The following PLXDC2 variants were observed in gnomAD, a reference collection of about 807,000 sequenced individuals.
The protein encoded by PLXDC2 is plexin domain-containing protein 2.
PLXDC2 carries 40 observed loss-of-function variants against 68.9 expected under a neutral mutation model. The observed-to-expected ratio is 0.58, with a 90% CI of 0.45 to 0.76. The LOEUF (loss-of-function observed/expected upper bound fraction) is 0.76. Ranked by LOEUF, PLXDC2 falls within the 30% of genes least tolerant of loss-of-function variation. The pLI is 0.00. For synonymous variants in PLXDC2, 243 were observed against 234.2 expected (o/e 1.04, Z -0.34); for missense variants, 644 against 661.9 (o/e 0.97, Z 0.30).
chr10:20,199,472 G>A (rs537688878), intron 9 of PLXDC2, among the ~76,000 whole-genome samples: 1 of 151,874 alleles, frequency 6.6e-6, no homozygotes, highest in Non-Finnish European at 1.5e-5. Context: ...ATTATTTGTA[G>A]ATAAAAGAAT....
intron 13 of PLXDC2, among the ~76,000 whole-genome samples, chr10:20,275,257 C>T (rs1222986658): frequency 6.6e-6 from 1 of 152,036 alleles, no homozygotes; most frequent in East Asian, 1.9e-4. Flanking sequence ...AGAAAATCAT[C>T]ACCCTTGCTC....
intron 3 of PLXDC2, among the ~76,000 whole-genome samples, chr10:20,055,057 A>G (rs1046761233): frequency 2.0e-5 from 3 of 152,132 alleles, no homozygotes; most frequent in African/African-American, 7.2e-5. Flanking sequence ...AATATGAAAC[A>G]CCAGCAAAAT....
At chr10:19,869,835 C>T (rs1006191635) in intron 1 of PLXDC2, among the ~76,000 whole-genome samples, 6 of 151,948 alleles carry the variant, frequency 3.9e-5, no homozygotes, top group African/African-American at 7.3e-5. Context: ...ACTGCCAGCT[C>T]GCCTTACGTT....
At chr10:20,108,634 G>T (rs746888649) in intron 4 of PLXDC2, among the ~76,000 whole-genome samples, 1 of 152,026 alleles carries the variant, frequency 6.6e-6, no homozygotes, top group African/African-American at 2.4e-5. Flanking sequence ...CTTGAAAAGG[G>T]GTGGATATAG....
chr10:20,279,875 T>G lies in PLXDC2; in HGVS notation c.*56T>G. Reference sequence around the variant, plus strand: ...GTTTACAGGTGTTAAGACTAAAATTTTGCCTATACCTTTAAGACAAACAAA... The same window carrying G: ...GTTTACAGGTGTTAAGACTAAAATTGTGCCTATACCTTTAAGACAAACAAA... On this transcript the variant is annotated 3_prime_UTR_variant, in exon 14 of 14. Transcript: ENST00000377252. 6.9e-7 allele frequency: 1 copy of G among 1,456,106 alleles called. No individual in the cohort carries two copies. Among genetic ancestry groups the G allele is most frequent in the East Asian group, 2.3e-5 (1 of 44,094 alleles). The allele number at this position is 1,456,106 out of a possible 1,614,324, so 90.2% of individuals were successfully genotyped here.
chr10:20,094,225 T>G (rs995713884), intron 4 of PLXDC2, among the ~76,000 whole-genome samples: 7 of 152,214 alleles, frequency 4.6e-5, no homozygotes, highest in Non-Finnish European at 1.0e-4. Context: ...CCATGTACAT[T>G]GTTTGAAAGT....
intron 3 of PLXDC2, among the ~76,000 whole-genome samples, chr10:20,062,115 A>G (rs1836116187): frequency 1.3e-5 from 2 of 152,202 alleles, no homozygotes; most frequent in South Asian, 4.1e-4. Context: ...CAGATGAGCA[A>G]ACTTTAAAAG....
chr10:20,156,471 C>T (rs571882561), intron 6 of PLXDC2, among the ~76,000 whole-genome samples: 2 of 152,126 alleles, frequency 1.3e-5, no homozygotes, highest in Admixed American at 6.5e-5. Flanking sequence ...GCAAATATTG[C>T]CTGGAAAATT....
chr10:19,849,310 GCTCT>G (rs540019119), intron 1 of PLXDC2, among the ~76,000 whole-genome samples: 7 of 92,616 alleles, frequency 7.6e-5, no homozygotes, highest in Non-Finnish European at 1.4e-4. Context: ...ATTCTGTCTC[GCTCT>G]CTCTCTCACA....
At position 20,082,064 on chromosome 10, in the gene PLXDC2, C is replaced by CAA. The variant is rs1252447303; in HGVS notation, c.541+13836_541+13837dup. 7.1e-5 allele frequency among the ~76,000 whole-genome samples: 5 copies of CAA among 70,142 alleles called. 1 individual carries two copies. Among genetic ancestry groups the CAA allele is most frequent in the African/African-American group, 2.3e-4 (4 of 17,480 alleles). The allele number at this position is 70,142 out of a possible 152,430, so 46.0% of individuals were successfully genotyped here. A position where few individuals can be genotyped will look rare whatever the true frequency, so the allele number is the denominator to read the frequency against. On this transcript the variant is annotated intron_variant, in intron 4 of 13. Transcript: ENST00000377252. ...CCATCTGAAAAAAAAAAAAAAAAATCAAAAAAAAAAAACAGGAGAAGTCTG... is the reference window on the plus strand; with the variant it reads ...CCATCTGAAAAAAAAAAAAAAAAATCAAAAAAAAAAAAAACAGGAGAAGTCTG...
intron 1 of PLXDC2, among the ~76,000 whole-genome samples, chr10:19,841,537 G>GTTTTTTTTT (rs34818991): frequency 7.9e-6 from 1 of 127,166 alleles, no homozygotes. Context: ...GTGTTTCAGG[G>GTTTTTTTTT]TTTTTTTTTT....
Position 20,245,489 on chromosome 10 carries a change from G to C in PLXDC2, c.1457G>C (p.Ser486Thr), listed in dbSNP as rs771766599. 1.1e-5 allele frequency: 18 copies of C among 1,611,530 alleles called. No homozygotes were observed. Among genetic ancestry groups the C allele is most frequent in the Admixed American group, 3.3e-5 (2 of 59,900 alleles). ...YMYHHPTSAASIFFIERRPSR... is the reference protein window; with the variant it reads ...YMYHHPTSAATIFFIERRPSR... The stretch of plus-strand genomic sequence containing the variant: ...TATCACCACCCAACATCAGCAGCCA[G>C]CATCTTCTTTATTGAGGTAAGTGTT... The change falls in exon 13 of 14, where the codon AGC becomes ACC. Residue 486 changes from serine to threonine, a missense_variant. Physicochemically the swap from Ser to Thr is moderately conservative, Grantham distance 58. Transcript: ENST00000377252.
chr10:20,009,466 G>T (rs908480900), intron 2 of PLXDC2, among the ~76,000 whole-genome samples: 8 of 151,972 alleles, frequency 5.3e-5, no homozygotes, highest in African/African-American at 1.9e-4. Flanking sequence ...CAAAGGGAAG[G>T]CAAAGATTAA....
intron 2 of PLXDC2, among the ~76,000 whole-genome samples, chr10:20,028,472 T>C (rs1279245387): frequency 6.6e-6 from 1 of 152,212 alleles, no homozygotes; most frequent in African/African-American, 2.4e-5. Context: ...TTTTGTGAGT[T>C]GCGAATGTAC....
chr10:20,161,677 A>C (rs2131811531), intron 6 of PLXDC2, among the ~76,000 whole-genome samples: 1 of 152,092 alleles, frequency 6.6e-6, no homozygotes, highest in Admixed American at 6.6e-5. Context: ...AGATTGAGGA[A>C]AAAAAATAAA....
At chr10:20,167,068 T>C (rs1421708600) in intron 7 of PLXDC2, among the ~76,000 whole-genome samples, 1 of 152,122 alleles carries the variant, frequency 6.6e-6, no homozygotes, top group African/African-American at 2.4e-5. Context: ...CTGTTAACCT[T>C]ACTGTTCCAT....
intron 1 of PLXDC2, among the ~76,000 whole-genome samples, chr10:19,834,343 G>C (rs1214733190): frequency 6.7e-6 from 1 of 149,068 alleles, no homozygotes. Context: ...GAGAGAGAGA[G>C]AGAGAGAGAG....
In PLXDC2 at chr10:19,953,559, G is replaced by A. The variant is rs372406693; in HGVS notation, c.113-48216G>A. 9.2e-5 allele frequency among the ~76,000 whole-genome samples: 14 copies of A among 152,256 alleles called. No homozygotes were observed. The South Asian group carries it at 2.9e-3, about 32-fold the overall frequency. The stretch of plus-strand genomic sequence containing the variant: ...AAAATACCAATCCTGTTTTCAGTTT[G>A]ATCAAAAGTTCAAATTTCCAGTAGG... On this transcript the variant is annotated intron_variant, in intron 1 of 13. Transcript: ENST00000377252.
At chr10:20,181,979 A>G (rs905696177) in intron 9 of PLXDC2, among the ~76,000 whole-genome samples, 1 of 151,850 alleles carries the variant, frequency 6.6e-6, no homozygotes, top group Non-Finnish European at 1.5e-5. Flanking sequence ...AATAGTGCAC[A>G]GGAGGTATGA....
Sources: gnomAD v4.1 joint callset for allele counts (sites outside exome capture counted in the v4.1 genomes callset) on GRCh38, gnomAD v4.1.1 for gene constraint, MANE v1.5 for transcripts, NCBI Gene and HGNC (gene_info 2026-07-23, HGNC 2026-07-21) for gene names.